ADCY9: variants seen among roughly 807,000 people sequenced by gnomAD.
ADCY9 encodes the protein adenylate cyclase type 9.
In ADCY9, 50 loss-of-function variants were observed where a neutral mutation model predicts 101.5. That is an observed-to-expected ratio of 0.49 (90% CI 0.39 to 0.62). The LOEUF is 0.62. ADCY9 is among the 20% of genes least tolerant of loss of function. The pLI, the probability that ADCY9 is intolerant of heterozygous loss-of-function variation, is 0.00. For synonymous variants in ADCY9, 905 were observed against 769.3 expected, an observed-to-expected ratio of 1.18 and a Z score of -2.92; for missense variants, 1,662 against 1,800.4, an observed-to-expected ratio of 0.92 and a Z score of 1.39.
At chr16:4,000,058 T>C (rs1022284242) in intron 3 of ADCY9, among the ~76,000 whole-genome samples, 1 of 152,194 alleles carries the variant, frequency 6.6e-6, no homozygotes, top group African/African-American at 2.4e-5. Context: ...TCAACACGAC[T>C]GTTTTGCAAG....
At chr16:3,960,719 C>T (rs1441906634), downstream of ADCY9, among the ~76,000 whole-genome samples, 2 of 152,160 alleles carry the variant, frequency 1.3e-5, no homozygotes, top group African/African-American at 4.8e-5. Context: ...GATTACTTAA[C>T]TCACATCTCC....
At position 3,992,191 on chromosome 16, in the gene ADCY9, C is replaced by G; in HGVS notation, c.2162G>C (p.Arg721Pro). 6.2e-7 allele frequency: 1 copy of G among 1,614,166 alleles called. No individual in the cohort carries two copies. The highest frequency in any genetic ancestry group is 8.5e-7 in the Non-Finnish European group (1 of 1,180,030). The change falls in exon 5 of 11, where the codon CGG becomes CCG. Residue 721 changes from arginine to proline, a missense_variant. Physicochemically the swap from Arg to Pro is moderately radical, Grantham distance 103. Around this residue, in one of 5 missense-constraint regions of ADCY9, gnomAD observed 624 missense variants for 639.1 expected, o/e 0.98. Transcript: ENST00000294016. This position sits in a 1 kb window ranked among gnomAD's most constrained non-coding sequence, Gnocchi z 4.2. The stretch of plus-strand genomic sequence containing the variant: ...CACAAAGTGGGCGTCCGTTTTCTCC[C>G]GGATGTTCTTGAACCTCAGCGGAAG... ...ALLPLRFKNI[R>P]EKTDAHFVDV...
intron 2 of ADCY9, among the ~76,000 whole-genome samples, chr16:4,101,854 C>T (rs953471092): frequency 3.3e-4 from 50 of 152,272 alleles, no homozygotes; most frequent in Middle Eastern, 3.4e-3. Context: ...TAAGAACCTC[C>T]AGGCTCTGGG....
Position 4,064,640 on chromosome 16 carries a change from T to A in ADCY9, c.1693+49110A>T, listed in dbSNP as rs938152339. 2.0e-5 allele frequency among the ~76,000 whole-genome samples: 3 copies of A among 151,690 alleles called. No individual in the cohort carries two copies. In the South Asian group the frequency reaches 6.2e-4, roughly 32 times the overall value. On this transcript the variant is annotated intron_variant, in intron 2 of 10. Coordinates refer to ENST00000294016, the MANE Select transcript of ADCY9 (RefSeq NM_001116.4). Reference sequence around the variant, plus strand: ...GGTGGGTACCACTATGCCCAGCTAATTTTTTTAATTTATTTGTTTATAGAG... The same window carrying A: ...GGTGGGTACCACTATGCCCAGCTAAATTTTTTAATTTATTTGTTTATAGAG...
At chr16:4,109,901 T>G (rs970322071) in intron 2 of ADCY9, among the ~76,000 whole-genome samples, 1 of 152,174 alleles carries the variant, frequency 6.6e-6, no homozygotes, top group Non-Finnish European at 1.5e-5. Flanking sequence ...TGGGGTCAAA[T>G]GCAAACTCCT....
chr16:4,060,567 C>T (rs2056768496), intron 2 of ADCY9, among the ~76,000 whole-genome samples: 1 of 152,080 alleles, frequency 6.6e-6, no homozygotes, highest in Non-Finnish European at 1.5e-5. Flanking sequence ...CATTGCCTGA[C>T]CACTAAGCTA....
At position 3,974,290 on chromosome 16, in the gene ADCY9, C is replaced by T. The variant is rs1274513286; in HGVS notation, c.2870+379G>A. On this transcript the variant is annotated intron_variant, in intron 10 of 10. Transcript: ENST00000294016. ...CCATCTCCTGACCTCGTGATCCGCC[C>T]GCCTCGGCCTCCCAAAATGCTGGGA... Among the ~76,000 whole-genome samples, 7 of 151,072 alleles carry T rather than the reference C, an allele frequency of 4.6e-5. 1 individual carries two copies. The South Asian group carries it at 8.4e-4, about 18-fold the overall frequency.
chr16:4,038,511 G>T (rs1010567548), intron 2 of ADCY9, among the ~76,000 whole-genome samples: 2 of 152,128 alleles, frequency 1.3e-5, no homozygotes, highest in African/African-American at 4.8e-5. Context: ...CTCCAGAACT[G>T]CCTCCAGAAC....
chr16:3,993,786 A>G (rs895524459), intron 3 of ADCY9, among the ~76,000 whole-genome samples: 7 of 152,196 alleles, frequency 4.6e-5, no homozygotes, highest in Non-Finnish European at 1.0e-4. Context: ...TATTCGAACA[A>G]TGGGATATTA....
chr16:4,115,473 G>A lies in ADCY9; in HGVS notation c.-31C>T, dbSNP rs965494464. On this transcript the variant is annotated 5_prime_UTR_variant, in exon 2 of 11. Transcript: ENST00000294016. The surrounding 1 kb of genome is among the most constrained non-coding windows in gnomAD (Gnocchi z 6.2). The stretch of plus-strand genomic sequence containing the variant: ...CGAGTCCCGGGGCCTGCCCCGGCCG[G>A]GGTCACCAGTACCTGCCAGCAAAAC... 2.0e-6 allele frequency: 3 copies of A among 1,502,014 alleles called. No homozygotes were observed. The African/African-American group carries it at 4.2e-5, about 21-fold the overall frequency. 93.0% of individuals were successfully genotyped at this position (1,502,014 alleles called of 1,614,324 possible).
rs1567414929 is a variant in ADCY9, at chr16:3,969,614, T to TATATATATATACGTA, written c.2871-2649_2871-2648insTACGTATATATATAT. ...TATATATATATATATATATATGTAT[T>TATATATATATACGTA]TTTTTTTTTTTTTAAGAAGAGACAG... On this transcript the variant is annotated intron_variant, in intron 10 of 10. Coordinates refer to ENST00000294016, the MANE Select transcript of ADCY9 (RefSeq NM_001116.4). 7.7e-4 allele frequency among the ~76,000 whole-genome samples: 39 copies of TATATATATATACGTA among 50,714 alleles called. 4 individuals carry two copies. Among genetic ancestry groups the TATATATATATACGTA allele is most frequent in the East Asian group, 5.7e-3 (7 of 1,220 alleles). The allele number at this position is 50,714 out of a possible 152,430, so 33.3% of individuals were successfully genotyped here. A position where few individuals can be genotyped will look rare whatever the true frequency, so the allele number is the denominator to read the frequency against.
chr16:3,989,532 C>T (rs952762890), intron 5 of ADCY9, among the ~76,000 whole-genome samples: 1 of 152,198 alleles, frequency 6.6e-6, no homozygotes, highest in African/African-American at 2.4e-5. Context: ...GCGCCTGCCA[C>T]CGCACCCAGC....
chr16:4,045,594 T>TA (rs545715002), intron 2 of ADCY9, among the ~76,000 whole-genome samples: 9,807 of 64,764 alleles, frequency 0.15, 1,022 homozygotes, highest in East Asian at 0.2. Context: ...GACTCTGCCT[T>TA]AAAAAAAAAA....
chr16:4,099,601 G>T (rs1567147921), intron 2 of ADCY9, among the ~76,000 whole-genome samples: 1 of 152,184 alleles, frequency 6.6e-6, no homozygotes, highest in Admixed American at 6.5e-5. Context: ...GCATGAAGAG[G>T]ACTCAGCAGC....
At chr16:4,100,838 C>T (rs1378368523) in intron 2 of ADCY9, among the ~76,000 whole-genome samples, 1 of 151,874 alleles carries the variant, frequency 6.6e-6, no homozygotes, top group African/African-American at 2.4e-5. Context: ...TAAACACACA[C>T]GGCTCCCAGG....
intron 2 of ADCY9, among the ~76,000 whole-genome samples, chr16:4,083,228 T>C (rs1272406275): frequency 6.6e-6 from 1 of 152,242 alleles, no homozygotes; most frequent in Non-Finnish European, 1.5e-5. Flanking sequence ...TTAACCAATA[T>C]AACATGCTTA....
chr16:4,041,200 C>T (rs2056624383), intron 2 of ADCY9, among the ~76,000 whole-genome samples: 1 of 152,082 alleles, frequency 6.6e-6, no homozygotes, highest in South Asian at 2.1e-4. Flanking sequence ...CTTATTTTTT[C>T]CTTCTAAAGA....
chr16:4,058,776 G>A (rs561061586), intron 2 of ADCY9, among the ~76,000 whole-genome samples: 1 of 152,246 alleles, frequency 6.6e-6, no homozygotes, highest in South Asian at 2.1e-4. Flanking sequence ...AAATCCCTCC[G>A]TCTTAGAATT....
intron 2 of ADCY9, among the ~76,000 whole-genome samples, chr16:4,086,504 T>C (rs1416606000): frequency 6.6e-6 from 1 of 152,022 alleles, no homozygotes; most frequent in African/African-American, 2.4e-5. Context: ...GAGACGTCAG[T>C]GTCCAAAGAG....
Sources: gnomAD v4.1 joint callset for allele counts (sites outside exome capture counted in the v4.1 genomes callset) on GRCh38, gnomAD v4.1.1 for gene constraint, gnomAD v4.1.1 regional missense constraint, Gnocchi (gnomAD v3.1) non-coding constraint, MANE v1.5 for transcripts, NCBI Gene and HGNC (gene_info 2026-07-23, HGNC 2026-07-21) for gene names.